The following HOGA1 variants were observed in gnomAD, a reference collection of about 807,000 sequenced individuals.
The protein encoded by HOGA1 is 4-hydroxy-2-oxoglutarate aldolase 1.
HOGA1 carries 30 observed loss-of-function variants against 34.3 expected under a neutral mutation model. The observed-to-expected ratio is 0.87, with a 90% CI of 0.65 to 1.19. The LOEUF is 1.19. Among genes scored for constraint, HOGA1 ranks in the 50% most tolerant of loss-of-function variants. The probability of loss-of-function intolerance (pLI) is 0.00; values close to 1 mark genes in which losing one functional copy is unlikely to be tolerated. For missense variants in HOGA1, 417 were observed against 436.5 expected, an observed-to-expected ratio of 0.96 and a Z score of 0.40; for synonymous variants, 161 against 174.0, an observed-to-expected ratio of 0.93 and a Z score of 0.59.
In HOGA1 at chr10:97,601,670, T is replaced by C. The variant is rs555173057; in HGVS notation, c.701-187T>C. On this transcript the variant is annotated intron_variant, in intron 5 of 6. Transcript: ENST00000370646. ...TTGACCTGCGGGATTCTATTTTGAA[T>C]ATGCAGGCAGCTCTTCTCTCTGGAA... Among the ~76,000 whole-genome samples the C allele has an allele frequency of 2.0e-5, 3 of 152,310 alleles. No individual in the cohort carries two copies. In the East Asian group the frequency reaches 5.8e-4, roughly 29 times the overall value.
rs2135711035 is a variant in HOGA1 at position 97,584,528 on chromosome 10, T to TA, written c.-175dup. On this transcript the variant is annotated 5_prime_UTR_variant, in exon 1 of 7. Transcript: ENST00000370646. ...AAGGAACAGGGCCCCCTGGGGCCTA[T>TA]AGGCCTTGCCCCTGACCCTGGGAAC... 1.6e-6 allele frequency: 1 copy of TA among 628,510 alleles called. No individual in the cohort carries two copies. Among genetic ancestry groups the TA allele is most frequent in the East Asian group, 2.6e-5 (1 of 37,970 alleles). 38.9% of individuals were successfully genotyped at this position (628,510 alleles called of 1,614,324 possible). A position where few individuals can be genotyped will look rare whatever the true frequency, so the allele number is the denominator to read the frequency against.
At chr10:97,589,629 CA>C in intron 1 of HOGA1, 2 of 439,658 alleles carry the variant, frequency 4.5e-6, no homozygotes, top group East Asian at 8.1e-5. Context: ...CCACTCTCCC[CA>C]CCCCACCCGC....
At chr10:97,593,444 T>C (rs978859586) in intron 1 of HOGA1, among the ~76,000 whole-genome samples, 1 of 151,762 alleles carries the variant, frequency 6.6e-6, no homozygotes, top group Non-Finnish European at 1.5e-5. Context: ...GCCACTGCCC[T>C]CCAGCCTGGG....
At chr10:97,606,563 A>G (rs932403770) in intron 6 of HOGA1, among the ~76,000 whole-genome samples, 1 of 152,086 alleles carries the variant, frequency 6.6e-6, no homozygotes, top group Non-Finnish European at 1.5e-5. Context: ...AGTGGGGCAT[A>G]TTTGTGTGGG....
chr10:97,595,836 A>G (rs567039169), intron 1 of HOGA1, among the ~76,000 whole-genome samples: 39 of 152,240 alleles, frequency 2.6e-4, no homozygotes, highest in African/African-American at 8.4e-4. Context: ...CTTTTTCCCC[A>G]GTCCCTGCTT....
intron 1 of HOGA1, among the ~76,000 whole-genome samples, chr10:97,585,710 T>G (rs909571833): frequency 5.9e-5 from 9 of 152,202 alleles, no homozygotes; most frequent in African/African-American, 2.2e-4. Context: ...GCATGGCCCA[T>G]GCTCCATTTT....
intron 3 of HOGA1, 33 bp from the exon 4 acceptor site, chr10:97,599,647 C>T (rs770396807): frequency 1.1e-5 from 17 of 1,613,064 alleles, no homozygotes; most frequent in Admixed American, 1.7e-5. Flanking sequence ...GGCGGCTGCC[C>T]TCTCCTGCTT....
Position 97,601,979 on chromosome 10 carries a change from C to A in HOGA1, c.823C>A (p.Pro275Thr), listed in dbSNP as rs1488330134. The change falls in exon 6 of 7, where the codon CCA (proline) becomes ACA (threonine). Residue 275 changes from proline to threonine, a missense_variant. By Grantham distance (38) the Pro-to-Thr change is conservative. Coordinates refer to ENST00000370646, the MANE Select transcript of HOGA1 (RefSeq NM_138413.4). ...GAAACTGCAGCACCGCCTCATTGAG[C>A]CAAACGCTGCGGTGAGCCAGTGGCA... ...AQKLQHRLIE[P>T]NAAVTRRFGI... 1.2e-6 allele frequency: 2 copies of A among 1,612,146 alleles called. No homozygotes were observed. Among genetic ancestry groups the A allele is most frequent in the Non-Finnish European group, 1.7e-6 (2 of 1,179,428 alleles).
rs1353960609 is a variant in HOGA1 at position 97,603,486 on chromosome 10, C to T, written c.834+1496C>T. 2.6e-5 allele frequency among the ~76,000 whole-genome samples: 4 copies of T among 152,046 alleles called. No individual in the cohort carries two copies. Among genetic ancestry groups the T allele is most frequent in the Non-Finnish European group, 4.4e-5 (3 of 68,024 alleles). On this transcript the variant is annotated intron_variant, in intron 6 of 6. Transcript: ENST00000370646. This position sits in a 1 kb window ranked among gnomAD's most constrained non-coding sequence, Gnocchi z 4.5. ...CAAGCAGTCCTCCCACCTCAGCCTCCCAAAATGCTGAGATTACAGGCATGA... is the reference window on the plus strand; with the variant it reads ...CAAGCAGTCCTCCCACCTCAGCCTCTCAAAATGCTGAGATTACAGGCATGA...
chr10:97,595,933 A>T (rs534526354), intron 1 of HOGA1, among the ~76,000 whole-genome samples: 1 of 152,276 alleles, frequency 6.6e-6, no homozygotes, highest in African/African-American at 2.4e-5. Flanking sequence ...ACATCTAACC[A>T]GGGTGAAGGA....
At chr10:97,602,105 TC>T in intron 6 of HOGA1, 115 bp downstream of exon 6, 1 of 1,550,222 alleles carries the variant, frequency 6.5e-7, no homozygotes. Context: ...TTTCAGAAAA[TC>T]CTTTGAGAGA....
chr10:97,597,870 A>C (rs2041083128), intron 1 of HOGA1, among the ~76,000 whole-genome samples: 1 of 152,166 alleles, frequency 6.6e-6, no homozygotes, highest in Non-Finnish European at 1.5e-5. Context: ...GGATCACTTG[A>C]ACCTGGGGGG....
intron 6 of HOGA1, 123 bp from the exon 7 acceptor site, chr10:97,611,387 G>T: frequency 9.2e-7 from 1 of 1,085,170 alleles, no homozygotes; most frequent in Non-Finnish European, 1.4e-6. Flanking sequence ...CCATAGAGTT[G>T]GCAGTTACTT....
At chr10:97,609,399 G>T (rs578080247) in intron 6 of HOGA1, among the ~76,000 whole-genome samples, 33 of 152,078 alleles carry the variant, frequency 2.2e-4, no homozygotes, top group Non-Finnish European at 3.5e-4. Context: ...GGGGAAGAGT[G>T]GATGCCTAGC....
At chr10:97,610,793 G>A (rs1292500803) in intron 6 of HOGA1, among the ~76,000 whole-genome samples, 3 of 150,638 alleles carry the variant, frequency 2.0e-5, no homozygotes, top group Non-Finnish European at 3.0e-5. Flanking sequence ...GAGCAAGACT[G>A]TCTCAAAAAA....
At chr10:97,590,305 C>A (rs770460210) in intron 1 of HOGA1, 11 of 1,613,666 alleles carry the variant, frequency 6.8e-6, no homozygotes, top group South Asian at 5.5e-5. Context: ...AGATTGACAC[C>A]CAGGGGCGGC....
chr10:97,584,948 G>A, intron 1 of HOGA1, 34 bp downstream of exon 1: 2 of 1,578,830 alleles, frequency 1.3e-6, no homozygotes, highest in Non-Finnish European at 1.7e-6. Context: ...GACCTGGGGA[G>A]ATGTGAGTGG....
intron 1 of HOGA1, among the ~76,000 whole-genome samples, chr10:97,594,530 T>C (rs1185752405): frequency 1.3e-5 from 2 of 152,010 alleles, no homozygotes; most frequent in African/African-American, 4.8e-5. Flanking sequence ...AATTTTTGTA[T>C]TTTTAGTAGA....
chr10:97,602,698 T>G (rs1360095668), intron 6 of HOGA1: 20 of 685,900 alleles, frequency 2.9e-5, no homozygotes, highest in Non-Finnish European at 3.4e-5. Flanking sequence ...TCCTTCTTTC[T>G]TTTTTTAGAC....
Sources: gnomAD v4.1 joint callset for allele counts (sites outside exome capture counted in the v4.1 genomes callset) on GRCh38, gnomAD v4.1.1 for gene constraint, Gnocchi (gnomAD v3.1) non-coding constraint, MANE v1.5 for transcripts, NCBI Gene and HGNC (gene_info 2026-07-23, HGNC 2026-07-21) for gene names.